The following TM2D3 variants were observed in gnomAD, a reference collection of about 807,000 sequenced individuals.
TM2D3 encodes the protein TM2 domain-containing protein 3.
In TM2D3, 33 loss-of-function variants were observed where a neutral mutation model predicts 27.3. The ratio of observed to expected loss-of-function variants is 1.21; its 90% CI spans 0.92 to 1.61. The LOEUF (loss-of-function observed/expected upper bound fraction) is 1.61. Among genes scored for constraint, TM2D3 ranks in the 40% most tolerant of loss-of-function variants. TM2D3 has a pLI of 0.00. For synonymous variants in TM2D3, 138 were observed against 122.2 expected (o/e 1.13, Z -0.85); for missense variants, 364 against 320.8 (o/e 1.13, Z -1.03).
intron 5 of TM2D3, among the ~76,000 whole-genome samples, chr15:101,643,624 CA>C (rs978182591): frequency 0.13 from 12,775 of 96,282 alleles, 565 homozygotes; most frequent in African/African-American, 0.23. Flanking sequence ...AAAAAAAAAG[CA>C]AAAAAAAAAA....
rs761129088 is a variant in TM2D3, at chr15:101,642,635, G to C, written c.588C>G (p.Leu196=). 2.5e-6 allele frequency: 4 copies of C among 1,602,082 alleles called. No homozygotes were observed. The highest frequency in any genetic ancestry group is 1.7e-4 in the Middle Eastern group (1 of 6,012). ...WSTALALSIT[L]GGFGADRFYL... ...AGAAACGGTCTGCTCCAAACCCACC[G>C]AGGGTGATGCTGCGATGGCAAACAG... The change falls in exon 6 of 6, where the codon CTC becomes CTG. Residue 196 remains leucine (L), a synonymous_variant. Coordinates refer to ENST00000333202, the MANE Select transcript of TM2D3 (RefSeq NM_078474.3).
Position 101,642,484 on chromosome 15 carries a change from T to C in TM2D3, c.739A>G (p.Ile247Val), listed in dbSNP as rs747920574. Reference protein sequence around the residue: ...YVGPADGSLYI With the variant: ...YVGPADGSLYV ...TTCTGAAGCACACACCACAGCTAAA[T>C]GTACAAAGAGCCATCTGCTGGTCCA... Residue 247 changes from isoleucine (I) to valine (V), a missense_variant, in exon 6 of 6, where the codon ATT becomes GTT. Physicochemically the swap from Ile to Val is conservative, Grantham distance 29 (BLOSUM62 3). Coordinates refer to ENST00000333202, the MANE Select transcript of TM2D3 (RefSeq NM_078474.3). 1.9e-6 allele frequency: 3 copies of C among 1,609,872 alleles called. No homozygotes were observed. The highest frequency in any genetic ancestry group is 2.5e-6 in the Non-Finnish European group (3 of 1,177,770).
rs1244274752 is a variant in TM2D3, at chr15:101,641,918, C to T, written c.*561G>A. On this transcript the variant is annotated 3_prime_UTR_variant, in exon 6 of 6. Coordinates refer to ENST00000333202, the MANE Select transcript of TM2D3 (RefSeq NM_078474.3). The stretch of plus-strand genomic sequence containing the variant: ...TATATACTACTAAGAAAATTTAAAC[C>T]ATAACTAGACATAAACATTCTGCAG... The T allele has an allele frequency of 3.1e-6, 3 of 982,656 alleles. No individual in the cohort carries two copies. The highest frequency in any genetic ancestry group is 3.6e-6 in the Non-Finnish European group (3 of 827,618). 60.9% of individuals were successfully genotyped at this position (982,656 alleles called of 1,614,324 possible).
intron 5 of TM2D3, 73 bp from the exon 6 acceptor site, chr15:101,642,717 C>T: frequency 1.5e-6 from 2 of 1,298,608 alleles, no homozygotes; most frequent in Admixed American, 2.7e-5. Flanking sequence ...GTTTAATCAC[C>T]ACATTATGTC....
exon 5 of TM2D3, chr15:101,633,545 C>A (rs1896492493): frequency 2.9e-6 from 2 of 699,480 alleles, no homozygotes; most frequent in Non-Finnish European, 4.5e-6. Context: ...TAAGCAGTTC[C>A]TATCAGACCA....
chr15:101,650,466 TA>T (rs1211848691), intron 2 of TM2D3: 11 of 214,952 alleles, frequency 5.1e-5, no homozygotes, highest in Middle Eastern at 1.5e-3. Flanking sequence ...ATTAAGGGCT[TA>T]AAAAAAAGAC....
rs201667433 is a variant in TM2D3 at position 101,648,577 on chromosome 15, C to CCT, written c.327+1425_327+1426dup. ...TGGCCCAGCCGCCGGGAGCCCCTGC[C>CCT]CTCCCCAGGCCAAGTACGCTCTGTG... On this transcript the variant is annotated intron_variant, in intron 3 of 5. Coordinates refer to ENST00000333202, the MANE Select transcript of TM2D3 (RefSeq NM_078474.3). Among the ~76,000 whole-genome samples, 563 of 152,280 alleles carry CCT rather than the reference C, an allele frequency of 3.7e-3. 4 individuals carry two copies. The highest frequency in any genetic ancestry group is 0.012 in the African/African-American group (497 of 41,554).
At chr15:101,640,442 A>G (rs1027768954), downstream of TM2D3, among the ~76,000 whole-genome samples, 1 of 152,148 alleles carries the variant, frequency 6.6e-6, no homozygotes, top group Non-Finnish European at 1.5e-5. Flanking sequence ...TAAGAAATAA[A>G]TTTCTGTTGT....
chr15:101,634,581 T>C (rs969172912), intron 4 of TM2D3: 3 of 152,164 alleles, frequency 2.0e-5, no homozygotes, highest in Admixed American at 6.5e-5. Context: ...AAAAATACTA[T>C]CAAGCAAATT....
At chr15:101,643,406 T>A (rs533396149) in intron 5 of TM2D3, among the ~76,000 whole-genome samples, 52 of 152,100 alleles carry the variant, frequency 3.4e-4, no homozygotes, top group African/African-American at 1.1e-3. Context: ...ATCCAGACCA[T>A]CCTGGCTAAC....
At chr15:101,637,755 T>TAGAG (rs1341074862), downstream of TM2D3, among the ~76,000 whole-genome samples, 1 of 152,206 alleles carries the variant, frequency 6.6e-6, no homozygotes, top group Non-Finnish European at 1.5e-5. Flanking sequence ...TTATTTTTTT[T>TAGAG]AGAGACAGGC....
chr15:101,644,976 C>T lies in TM2D3; in HGVS notation c.578+111G>A, dbSNP rs554009183. 1.3e-4 allele frequency: 116 copies of T among 921,090 alleles called. No individual in the cohort carries two copies. In the East Asian group the frequency reaches 1.3e-3, roughly 10 times the overall value. 57.1% of individuals were successfully genotyped at this position (921,090 alleles called of 1,614,324 possible). ...CAGCTGTTTGCTAGAGTCTAACACA[C>T]GTGGTAGGATCTGAGTGAAGAATGA... On this transcript the variant is annotated intron_variant, in intron 5 of 5. Transcript: ENST00000333202.
At position 101,642,078 on chromosome 15, in the gene TM2D3, A is replaced by G. The variant is rs966484623; in HGVS notation, c.*401T>C. On this transcript the variant is annotated 3_prime_UTR_variant, in exon 6 of 6. Transcript: ENST00000333202. Reference sequence around the variant, plus strand: ...CACTCCCACTTCCTGCAGTCACAGCAATTAGCTAACAATAAAAACACTCCC... The same window carrying G: ...CACTCCCACTTCCTGCAGTCACAGCGATTAGCTAACAATAAAAACACTCCC... The G allele has an allele frequency of 2.8e-5, 28 of 987,874 alleles. No individual in the cohort carries two copies. Among genetic ancestry groups the G allele is most frequent in the Non-Finnish European group, 3.2e-5 (27 of 831,486 alleles). 61.2% of individuals were successfully genotyped at this position (987,874 alleles called of 1,614,324 possible).
At chr15:101,646,926 T>A in intron 3 of TM2D3, 27 bp from the exon 4 acceptor site, 1 of 1,613,276 alleles carries the variant, frequency 6.2e-7, no homozygotes, top group South Asian at 1.1e-5. Context: ...ACAAAACTCA[T>A]CAATCACAAT....
chr15:101,652,308 C>G lies in TM2D3; in HGVS notation c.54G>C (p.Leu18=). Residue 18 remains leucine (L), a synonymous_variant, in exon 1 of 6, where the codon CTG becomes CTC. Transcript: ENST00000333202. ...GAATGCAGAACTGCGAGAGGAAGAG[C>G]AGCACGCGACACAAGGCGCGGAGGC... The part of the protein sequence containing the change: ...LRGLRALCRV[L]LFLSQFCILS... 3.7e-6 allele frequency: 6 copies of G among 1,603,436 alleles called. No individual in the cohort carries two copies. The highest frequency in any genetic ancestry group is 1.7e-5 in the Admixed American group (1 of 59,560).
chr15:101,638,298 C>CT (rs572960993), downstream of TM2D3, among the ~76,000 whole-genome samples: 4,965 of 145,064 alleles, frequency 0.034, 264 homozygotes, highest in African/African-American at 0.11. Context: ...ACCCCCCCAC[C>CT]TTTTTTTTTT....
downstream of TM2D3, among the ~76,000 whole-genome samples, chr15:101,637,523 T>C (rs1246920271): frequency 6.6e-6 from 1 of 152,206 alleles, no homozygotes; most frequent in African/African-American, 2.4e-5. Context: ...CAGAGTCAGG[T>C]TGGAAAGTAA....
intron 3 of TM2D3, among the ~76,000 whole-genome samples, chr15:101,649,051 T>C (rs537494903): frequency 6.6e-6 from 1 of 152,258 alleles, no homozygotes; most frequent in African/African-American, 2.4e-5. Flanking sequence ...TAAAAAAAAA[T>C]TGCCAATCTA....
At chr15:101,633,751 T>G (rs1444450706) in intron 4 of TM2D3, 1 of 1,522,738 alleles carries the variant, frequency 6.6e-7, no homozygotes, top group South Asian at 1.2e-5. Context: ...AGAAGAAGAA[T>G]TTAAAAGAAA....
Sources: gnomAD v4.1 joint callset for allele counts (sites outside exome capture counted in the v4.1 genomes callset) on GRCh38, gnomAD v4.1.1 for gene constraint, MANE v1.5 for transcripts, NCBI Gene and HGNC (gene_info 2026-07-23, HGNC 2026-07-21) for gene names.